COX7B2: variants seen among roughly 807,000 people sequenced by gnomAD.
The protein encoded by COX7B2 is cytochrome c oxidase subunit 7B2.
For missense variants in COX7B2, 109 were observed against 95.9 expected, an observed-to-expected ratio of 1.14 and a Z score of -0.57; for synonymous variants, 37 against 32.1, an observed-to-expected ratio of 1.15 and a Z score of -0.51.
At chr4:46,778,638 T>C (rs1277744236) in intron 2 of COX7B2, among the ~76,000 whole-genome samples, 2 of 152,164 alleles carry the variant, frequency 1.3e-5, no homozygotes, top group South Asian at 2.1e-4. Flanking sequence ...ATGAAGCATA[T>C]AGAATCAGTA....
chr4:46,819,576 C>T (rs914967178), intron 2 of COX7B2, among the ~76,000 whole-genome samples: 3 of 150,716 alleles, frequency 2.0e-5, no homozygotes, highest in Non-Finnish European at 2.9e-5. Context: ...ACAAATAACT[C>T]TCATTATGTT....
At chr4:46,747,979 A>G (rs1242719248) in intron 2 of COX7B2, among the ~76,000 whole-genome samples, 1 of 151,504 alleles carries the variant, frequency 6.6e-6, no homozygotes, top group Non-Finnish European at 1.5e-5. Flanking sequence ...AAGATAGTTA[A>G]AATCTAATTG....
intron 2 of COX7B2, among the ~76,000 whole-genome samples, chr4:46,791,211 G>T (rs531863502): frequency 6.7e-6 from 1 of 149,444 alleles, no homozygotes; most frequent in African/African-American, 2.5e-5. Flanking sequence ...GAGTTTTACC[G>T]TGTTAGCCAG....
At chr4:46,784,942 CT>C (rs1049572153) in intron 2 of COX7B2, among the ~76,000 whole-genome samples, 1 of 152,118 alleles carries the variant, frequency 6.6e-6, no homozygotes. Context: ...TTCAAAATTT[CT>C]TTTAGCTAAA....
At chr4:46,891,010 GT>G (rs1335370589) in intron 1 of COX7B2, among the ~76,000 whole-genome samples, 2 of 152,304 alleles carry the variant, frequency 1.3e-5, no homozygotes, top group East Asian at 3.9e-4. Flanking sequence ...CTTGATGAAA[GT>G]GGTGACAGTG....
intron 1 of COX7B2, among the ~76,000 whole-genome samples, chr4:46,893,602 AAAT>A: frequency 6.6e-6 from 1 of 152,270 alleles, no homozygotes; most frequent in East Asian, 1.9e-4. Flanking sequence ...GGAAATTTCA[AAAT>A]GCTAGAGGCT....
chr4:46,895,974 A>C (rs1719734789), intron 1 of COX7B2, among the ~76,000 whole-genome samples: 1 of 152,144 alleles, frequency 6.6e-6, no homozygotes, highest in African/African-American at 2.4e-5. Context: ...TCTTCTTGAG[A>C]ATAAGTAAAT....
At chr4:46,798,280 C>T (rs1718467296) in intron 2 of COX7B2, among the ~76,000 whole-genome samples, 1 of 152,122 alleles carries the variant, frequency 6.6e-6, no homozygotes, top group African/African-American at 2.4e-5. Context: ...TGAAGAAGCA[C>T]AATGCCTGGT....
chr4:46,891,426 C>G (rs1188015291), intron 1 of COX7B2, among the ~76,000 whole-genome samples: 1 of 152,098 alleles, frequency 6.6e-6, no homozygotes, highest in African/African-American at 2.4e-5. Flanking sequence ...AGAAGATGAT[C>G]TAGCAGAAAA....
chr4:46,849,004 C>T (rs1716482415), intron 1 of COX7B2, among the ~76,000 whole-genome samples: 1 of 151,972 alleles, frequency 6.6e-6, no homozygotes, highest in Non-Finnish European at 1.5e-5. Context: ...TACTGTGACA[C>T]CATTGTTAAG....
At chr4:46,823,693 A>C (rs896915373) in intron 2 of COX7B2, among the ~76,000 whole-genome samples, 11 of 151,914 alleles carry the variant, frequency 7.2e-5, no homozygotes, top group Non-Finnish European at 1.6e-4. Context: ...ACCTTACAAA[A>C]ATTGAAAAAA....
chr4:46,862,152 C>T (rs193108415), intron 1 of COX7B2, among the ~76,000 whole-genome samples: 49 of 152,304 alleles, frequency 3.2e-4, no homozygotes, highest in African/African-American at 1.2e-3. Flanking sequence ...ATCCTATCAA[C>T]CCCTTCCCTC....
intron 1 of COX7B2, among the ~76,000 whole-genome samples, chr4:46,905,782 CAG>C (rs1234424618): frequency 4.8e-5 from 7 of 146,790 alleles, no homozygotes; most frequent in African/African-American, 1.8e-4. Context: ...TCTTACAAAA[CAG>C]AGCCTACCAT....
chr4:46,791,905 G>A (rs1448658012), intron 2 of COX7B2, among the ~76,000 whole-genome samples: 3 of 152,166 alleles, frequency 2.0e-5, no homozygotes, highest in African/African-American at 7.2e-5. Flanking sequence ...TACACTACAA[G>A]AAAGATGGCT....
chr4:46,789,461 A>T (rs1207881389), intron 2 of COX7B2, among the ~76,000 whole-genome samples: 1 of 152,202 alleles, frequency 6.6e-6, no homozygotes, highest in Non-Finnish European at 1.5e-5. Context: ...ATAAAAATAT[A>T]TTTTTGAGTT....
At chr4:46,840,221 A>T (rs1431008849) in intron 2 of COX7B2, among the ~76,000 whole-genome samples, 1 of 152,038 alleles carries the variant, frequency 6.6e-6, no homozygotes, top group Admixed American at 6.6e-5. Flanking sequence ...AAGGAAGATG[A>T]GGCAAAAATC....
At chr4:46,775,447 C>G (rs973695301) in intron 2 of COX7B2, among the ~76,000 whole-genome samples, 8 of 152,058 alleles carry the variant, frequency 5.3e-5, no homozygotes, top group African/African-American at 1.9e-4. Flanking sequence ...TTTACATTTT[C>G]CTGAAGTATA....
chr4:46,891,710 T>C (rs528249712), intron 1 of COX7B2, among the ~76,000 whole-genome samples: 15 of 152,306 alleles, frequency 9.8e-5, no homozygotes, highest in South Asian at 2.1e-4. Context: ...CACTCTAGCT[T>C]CTTGCCCTTC....
At chr4:46,783,744 G>C (rs1271733839) in intron 2 of COX7B2, among the ~76,000 whole-genome samples, 1 of 151,996 alleles carries the variant, frequency 6.6e-6, no homozygotes. Flanking sequence ...AAAAAGGGAA[G>C]GGCAGGGCAG....
Sources: allele counts gnomAD v4.1 joint callset (sites outside exome capture counted in the v4.1 genomes callset), GRCh38; gene constraint gnomAD v4.1.1; transcripts MANE v1.5; gene names NCBI Gene and HGNC (gene_info 2026-07-23, HGNC 2026-07-21).